The following PTPRM variants were observed in gnomAD, a reference collection of about 807,000 sequenced individuals.
PTPRM encodes receptor-type tyrosine-protein phosphatase mu.
In PTPRM, 47 loss-of-function variants were observed where a neutral mutation model predicts 186.7. The ratio of observed to expected loss-of-function variants is 0.25; its 90% CI spans 0.20 to 0.32. The LOEUF is 0.32. Ranked by LOEUF, PTPRM falls within the 10% of genes least tolerant of loss-of-function variation. The pLI is 1.00. For missense variants in PTPRM, 1,494 were observed against 1,865.0 expected, an observed-to-expected ratio of 0.80 and a Z score of 3.66; for synonymous variants, 668 against 674.9, an observed-to-expected ratio of 0.99 and a Z score of 0.16.
chr18:8,253,014 CT>C (rs1430221905), intron 18 of PTPRM, among the ~76,000 whole-genome samples: 11 of 152,322 alleles, frequency 7.2e-5, no homozygotes, highest in Admixed American at 3.3e-4. Context: ...GTTTGGACTG[CT>C]TTGTAAAAGA....
intron 13 of PTPRM, among the ~76,000 whole-genome samples, chr18:8,124,242 CTT>C (rs2092268791): frequency 6.6e-6 from 1 of 152,174 alleles, no homozygotes; most frequent in Non-Finnish European, 1.5e-5. Context: ...AAAAACTACT[CTT>C]GTTCTTTCTT....
intron 14 of PTPRM, among the ~76,000 whole-genome samples, chr18:8,233,052 C>T (rs1164504533): frequency 6.6e-6 from 1 of 152,172 alleles, no homozygotes; most frequent in Non-Finnish European, 1.5e-5. Context: ...TGATGGTCCT[C>T]AGCAAACCTT....
intron 2 of PTPRM, among the ~76,000 whole-genome samples, chr18:7,872,666 C>T (rs982260406): frequency 6.6e-6 from 1 of 152,158 alleles, no homozygotes; most frequent in South Asian, 2.1e-4. Flanking sequence ...AAGTGATTCA[C>T]GTGGCATCTC....
At chr18:8,176,068 A>G (rs113605787) in intron 14 of PTPRM, among the ~76,000 whole-genome samples, 6,848 of 152,292 alleles carry the variant, frequency 0.045, 209 homozygotes, top group Middle Eastern at 0.071. Context: ...AAGTATTAAA[A>G]ATTAAAGATT....
chr18:7,663,965 C>T lies in PTPRM; in HGVS notation c.73+96074C>T, dbSNP rs901900924. Reference sequence around the variant, plus strand: ...GATGTCAAGCCAGACTTTTCCCTTTCGCTTGGGCCCGCCACCTCAACCCAC... The same window carrying T: ...GATGTCAAGCCAGACTTTTCCCTTTTGCTTGGGCCCGCCACCTCAACCCAC... On this transcript the variant is annotated intron_variant, in intron 1 of 32. Transcript: ENST00000580170. Among the ~76,000 whole-genome samples the T allele has an allele frequency of 2.6e-5, 4 of 152,318 alleles. No individual in the cohort carries two copies. In the East Asian group the frequency reaches 5.8e-4, roughly 22 times the overall value.
At chr18:8,351,284 A>G (rs910758393) in intron 23 of PTPRM, among the ~76,000 whole-genome samples, 3 of 152,166 alleles carry the variant, frequency 2.0e-5, no homozygotes, top group Non-Finnish European at 4.4e-5. Flanking sequence ...TTCCTCATTT[A>G]TAGTAAGTCA....
intron 1 of PTPRM, among the ~76,000 whole-genome samples, chr18:7,702,591 T>C (rs572020203): frequency 1.3e-5 from 2 of 152,330 alleles, no homozygotes; most frequent in East Asian, 1.9e-4. Context: ...TTCTGGATAT[T>C]AGCCCTTTGT....
chr18:7,880,295 T>C (rs999550079), intron 2 of PTPRM, among the ~76,000 whole-genome samples: 1 of 152,202 alleles, frequency 6.6e-6, no homozygotes, highest in African/African-American at 2.4e-5. Context: ...TTCTTTTTGC[T>C]ATCTTACTGT....
chr18:7,807,506 G>A (rs887508473), intron 2 of PTPRM, among the ~76,000 whole-genome samples: 1 of 152,182 alleles, frequency 6.6e-6, no homozygotes, highest in African/African-American at 2.4e-5. Context: ...CGCCCATGTT[G>A]TGTGTCCCAC....
chr18:8,205,890 A>C (rs976288123), intron 14 of PTPRM, among the ~76,000 whole-genome samples: 2 of 152,156 alleles, frequency 1.3e-5, no homozygotes, highest in Non-Finnish European at 2.9e-5. Flanking sequence ...CAGCACTCAC[A>C]TTTTGGCATT....
chr18:8,027,485 G>A (rs895438410), intron 7 of PTPRM, among the ~76,000 whole-genome samples: 8 of 152,106 alleles, frequency 5.3e-5, no homozygotes, highest in African/African-American at 1.2e-4. Flanking sequence ...ACACTTGTAG[G>A]GTAATAACCT....
At chr18:8,273,147 A>C (rs2094792785) in intron 19 of PTPRM, among the ~76,000 whole-genome samples, 1 of 152,132 alleles carries the variant, frequency 6.6e-6, no homozygotes, top group Admixed American at 6.6e-5. Context: ...TTTACCTTTA[A>C]ATTCTACCAT....
intron 7 of PTPRM, among the ~76,000 whole-genome samples, chr18:8,058,941 C>G (rs551442895): frequency 2.5e-5 from 2 of 80,170 alleles, no homozygotes; most frequent in Non-Finnish European, 5.3e-5. Context: ...GATGCGGGCT[C>G]TTTTTTGGTT....
intron 23 of PTPRM, among the ~76,000 whole-genome samples, chr18:8,352,388 C>T (rs2509547): frequency 0.21 from 31,378 of 152,096 alleles, 3,642 homozygotes; most frequent in Non-Finnish European, 0.27. Flanking sequence ...ATCCCATCAA[C>T]CAAACAGTGA....
chr18:8,143,494 C>G (rs1363288874), intron 13 of PTPRM, among the ~76,000 whole-genome samples, 153 bp from the exon 14 acceptor site: 2 of 152,190 alleles, frequency 1.3e-5, no homozygotes, highest in Non-Finnish European at 2.9e-5. Context: ...GCTTTCAGTG[C>G]ATATGAAAGC....
intron 14 of PTPRM, among the ~76,000 whole-genome samples, chr18:8,176,096 A>G (rs925178016): frequency 2.0e-5 from 3 of 152,236 alleles, no homozygotes; most frequent in African/African-American, 7.2e-5. Flanking sequence ...TCTAATGTCA[A>G]ATTGGGAAAT....
intron 7 of PTPRM, among the ~76,000 whole-genome samples, chr18:7,955,782 A>G (rs2053269321): frequency 6.6e-6 from 1 of 152,136 alleles, no homozygotes; most frequent in Non-Finnish European, 1.5e-5. Context: ...GTTCATAGTT[A>G]ATGTGCCAGC....
At chr18:7,920,854 G>C (rs1239027656) in intron 4 of PTPRM, among the ~76,000 whole-genome samples, 1 of 151,876 alleles carries the variant, frequency 6.6e-6, no homozygotes, top group African/African-American at 2.4e-5. Flanking sequence ...TTTTTCTGTG[G>C]ATAGCTTTAG....
chr18:7,673,631 A>C (rs1051820283), intron 1 of PTPRM, among the ~76,000 whole-genome samples: 1 of 152,238 alleles, frequency 6.6e-6, no homozygotes, highest in African/African-American at 2.4e-5. Flanking sequence ...ACAAAGGCTT[A>C]TTCATCACAT....
Sources: allele counts gnomAD v4.1 joint callset (sites outside exome capture counted in the v4.1 genomes callset), GRCh38; gene constraint gnomAD v4.1.1; transcripts MANE v1.5; gene names NCBI Gene and HGNC (gene_info 2026-07-23, HGNC 2026-07-21).